The following WFDC8 variants were observed in gnomAD, a reference collection of about 807,000 sequenced individuals.
The protein encoded by WFDC8 is WAP four-disulfide core domain protein 8.
In WFDC8, 24 loss-of-function variants were observed where a neutral mutation model predicts 27.0. The observed-to-expected ratio is 0.89, with a 90% CI of 0.64 to 1.25. The LOEUF (loss-of-function observed/expected upper bound fraction) is 1.25, where lower values mean the gene tolerates loss of function less well. Among genes scored for constraint, WFDC8 ranks in the 50% most tolerant of loss-of-function variants. WFDC8 has a pLI of 0.00. For synonymous variants in WFDC8, 106 were observed against 99.7 expected (o/e 1.06, Z -0.38); for missense variants, 287 against 295.9 (o/e 0.97, Z 0.22).
At chr20:45,570,083 G>A (rs750774111) in intron 1 of WFDC8, among the ~76,000 whole-genome samples, 42 of 151,998 alleles carry the variant, frequency 2.8e-4, no homozygotes, top group South Asian at 4.1e-4. Flanking sequence ...TAACTAATGA[G>A]TACTAGGCTT....
At chr20:45,569,233 A>G (rs895776021) in intron 1 of WFDC8, among the ~76,000 whole-genome samples, 1 of 152,148 alleles carries the variant, frequency 6.6e-6, no homozygotes, top group Non-Finnish European at 1.5e-5. Flanking sequence ...TAGGAGAGGG[A>G]GGGTTAAAAT....
rs1353030248 is a variant in WFDC8 at position 45,574,972 on chromosome 20, C to T, written c.26+4250G>A. 2.6e-5 allele frequency among the ~76,000 whole-genome samples: 4 copies of T among 151,938 alleles called. No homozygotes were observed. In the East Asian group the frequency reaches 7.7e-4, roughly 29 times the overall value. ...TGCGGAAAATGCATTTGACAAAATT[C>T]AACATTTTTATGATAAAAAATCTCA... On this transcript the variant is annotated intron_variant, in intron 1 of 5. Coordinates refer to ENST00000289953, the MANE Select transcript of WFDC8 (RefSeq NM_130896.3).
intron 1 of WFDC8, chr20:45,568,489 T>C: frequency 3.1e-6 from 1 of 324,258 alleles, no homozygotes; most frequent in Non-Finnish European, 6.3e-6. Flanking sequence ...TCAGCTTTCC[T>C]GAAATTGTAT....
intron 1 of WFDC8, among the ~76,000 whole-genome samples, chr20:45,563,956 A>G (rs549949225): frequency 2.8e-4 from 42 of 152,258 alleles, no homozygotes; most frequent in Non-Finnish European, 5.6e-4. Flanking sequence ...TAATTTTAGC[A>G]TAAGTATATC....
intron 1 of WFDC8, among the ~76,000 whole-genome samples, chr20:45,578,470 GC>G (rs1339777558): frequency 2.0e-5 from 3 of 151,448 alleles, no homozygotes; most frequent in Admixed American, 1.3e-4. Context: ...AAAAGAAGCA[GC>G]CTCTATGTGG....
chr20:45,577,937 G>C (rs750387781), intron 1 of WFDC8, among the ~76,000 whole-genome samples: 3 of 149,552 alleles, frequency 2.0e-5, no homozygotes, highest in African/African-American at 7.3e-5. Context: ...AACCCAGAAG[G>C]TGGAGGTTGC....
chr20:45,569,330 T>C (rs1241489404), intron 1 of WFDC8, among the ~76,000 whole-genome samples: 2 of 152,256 alleles, frequency 1.3e-5, no homozygotes, highest in African/African-American at 4.8e-5. Flanking sequence ...TTTTTGTCCC[T>C]GTACACTTAC....
At chr20:45,556,950 G>A (rs552683009) in intron 3 of WFDC8, among the ~76,000 whole-genome samples, 73 of 152,266 alleles carry the variant, frequency 4.8e-4, no homozygotes, top group Admixed American at 9.8e-4. Flanking sequence ...GTGGTCTGCC[G>A]CTGGTCTGAT....
At chr20:45,559,799 G>A (rs1329703641) in intron 2 of WFDC8, 1 of 152,340 alleles carries the variant, frequency 6.6e-6, no homozygotes, top group East Asian at 1.9e-4. Context: ...TCCCATCCAA[G>A]TACTAACCAG....
intron 1 of WFDC8, among the ~76,000 whole-genome samples, chr20:45,565,061 A>C (rs74499601): frequency 1.4e-5 from 2 of 143,536 alleles, no homozygotes; most frequent in African/African-American, 5.2e-5. Flanking sequence ...GGAAGAAGAG[A>C]GAGGGAGGGA....
At chr20:45,571,891 G>T (rs1183065604) in intron 1 of WFDC8, among the ~76,000 whole-genome samples, 1 of 152,086 alleles carries the variant, frequency 6.6e-6, no homozygotes, top group African/African-American at 2.4e-5. Flanking sequence ...TGAACACTTA[G>T]GTTGATTCCA....
At chr20:45,569,252 A>G (rs933471983) in intron 1 of WFDC8, among the ~76,000 whole-genome samples, 2 of 152,182 alleles carry the variant, frequency 1.3e-5, no homozygotes, top group Non-Finnish European at 2.9e-5. Flanking sequence ...ATAATTTTTG[A>G]TTATGAGTAT....
At chr20:45,565,823 C>T (rs535890401) in intron 1 of WFDC8, among the ~76,000 whole-genome samples, 55 of 152,262 alleles carry the variant, frequency 3.6e-4, no homozygotes, top group Admixed American at 2.4e-3. Flanking sequence ...TGAAGACATT[C>T]TTTTGTGGGA....
chr20:45,564,674 CAAA>C (rs59225489), intron 1 of WFDC8, among the ~76,000 whole-genome samples: 7 of 119,668 alleles, frequency 5.8e-5, no homozygotes, highest in Admixed American at 1.7e-4. Flanking sequence ...GACTCTGTCT[CAAA>C]AAAAAAAAAA....
chr20:45,574,524 G>A (rs555255938), intron 1 of WFDC8, among the ~76,000 whole-genome samples: 2 of 152,256 alleles, frequency 1.3e-5, no homozygotes, highest in South Asian at 4.1e-4. Flanking sequence ...GCCAAGCATG[G>A]TGGGTCACAC....
At chr20:45,559,638 AGTTAAATGGG>A (rs1262430588) in intron 2 of WFDC8, 5 of 152,356 alleles carry the variant, frequency 3.3e-5, no homozygotes, top group African/African-American at 9.6e-5. Flanking sequence ...TGATTATAAG[AGTTAAATGGG>A]GTGATGTCTA....
intron 2 of WFDC8, among the ~76,000 whole-genome samples, chr20:45,561,671 C>T (rs1980471966): frequency 2.0e-5 from 3 of 152,034 alleles, no homozygotes; most frequent in Admixed American, 2.0e-4. Flanking sequence ...CTGCAGCAGC[C>T]TCCTCACTGG....
chr20:45,565,297 A>G (rs1169650690), intron 1 of WFDC8, among the ~76,000 whole-genome samples: 3 of 152,180 alleles, frequency 2.0e-5, no homozygotes, highest in East Asian at 3.9e-4. Flanking sequence ...TTGAAAAATG[A>G]GTGGATTTGA....
intron 1 of WFDC8, among the ~76,000 whole-genome samples, chr20:45,574,059 T>C (rs1201424286): frequency 1.3e-5 from 2 of 152,190 alleles, no homozygotes; most frequent in Non-Finnish European, 2.9e-5. Flanking sequence ...GAAATGCAAC[T>C]GGAATTTTGG....
Sources: gnomAD v4.1 joint callset for allele counts (sites outside exome capture counted in the v4.1 genomes callset) on GRCh38, gnomAD v4.1.1 for gene constraint, MANE v1.5 for transcripts, NCBI Gene and HGNC (gene_info 2026-07-23, HGNC 2026-07-21) for gene names.